Variants in MDFIC2 observed in about 807,000 individuals in gnomAD.
MDFIC2 encodes the protein myoD family inhibitor domain-containing protein 2.
At chr3:70,304,073 T>A (rs1459564854) in intron 2 of MDFIC2, among the ~76,000 whole-genome samples, 4 of 152,154 alleles carry the variant, frequency 2.6e-5, no homozygotes, top group Non-Finnish European at 5.9e-5. Context: ...GTTAGGAGTT[T>A]ATTGCAATCC....
chr3:70,230,962 G>A (rs1701554041), intron 2 of MDFIC2, among the ~76,000 whole-genome samples: 1 of 152,214 alleles, frequency 6.6e-6, no homozygotes, highest in Non-Finnish European at 1.5e-5. Flanking sequence ...ATCCCATTTC[G>A]CAGTGATTCC....
chr3:70,215,522 A>G (rs866862146), intron 2 of MDFIC2, among the ~76,000 whole-genome samples: 9 of 152,186 alleles, frequency 5.9e-5, no homozygotes, highest in Middle Eastern at 3.4e-3. Context: ...TTCCAAACTT[A>G]GCCCTCAAAG....
intron 2 of MDFIC2, chr3:70,249,467 G>A (rs1420969350): frequency 6.6e-6 from 1 of 152,044 alleles, no homozygotes; most frequent in Admixed American, 6.6e-5. Context: ...AAATAAATAA[G>A]CAGGATACAA....
intron 2 of MDFIC2, among the ~76,000 whole-genome samples, chr3:70,243,011 G>A (rs1461424502): frequency 2.6e-5 from 4 of 152,130 alleles, no homozygotes; most frequent in South Asian, 2.1e-4. Flanking sequence ...CGATATAACC[G>A]TTTTGTGACA....
At chr3:70,281,361 C>T (rs1167721848) in intron 2 of MDFIC2, among the ~76,000 whole-genome samples, 2 of 152,170 alleles carry the variant, frequency 1.3e-5, no homozygotes, top group Non-Finnish European at 2.9e-5. Context: ...TTATTTGACT[C>T]TCCTCTGTCT....
rs984531679 is a variant in MDFIC2 at position 70,271,056 on chromosome 3, T to C, written c.88+40830A>G. 6.0e-5 allele frequency among the ~76,000 whole-genome samples: 9 copies of C among 150,774 alleles called. No individual in the cohort carries two copies. The East Asian group carries it at 1.2e-3, about 20-fold the overall frequency. ...AATAATAAAAAAGAAATATTGAAAA[T>C]AAAAAAAAACAGTAAATTAAATCAT... On this transcript the variant is annotated intron_variant, in intron 2 of 3. Coordinates refer to ENST00000567252, the MANE Select transcript of MDFIC2 (RefSeq NM_001364677.1).
chr3:70,301,264 C>CT, intron 2 of MDFIC2, among the ~76,000 whole-genome samples: 1 of 152,132 alleles, frequency 6.6e-6, no homozygotes, highest in African/African-American at 2.4e-5. Context: ...AACAAAAACA[C>CT]TTTTTAAATT....
At chr3:70,289,429 G>T (rs1367361503) in intron 2 of MDFIC2, among the ~76,000 whole-genome samples, 1 of 149,468 alleles carries the variant, frequency 6.7e-6, no homozygotes, top group East Asian at 2.0e-4. Context: ...CGAGAGATCC[G>T]CTGTTAGTCT....
intron 2 of MDFIC2, among the ~76,000 whole-genome samples, chr3:70,267,394 C>CTT (rs9310185): frequency 6.7e-5 from 5 of 74,850 alleles, no homozygotes; most frequent in East Asian, 4.9e-4. Context: ...TTTTTAATAG[C>CTT]TTTTTTTTTT....
intron 2 of MDFIC2, among the ~76,000 whole-genome samples, chr3:70,235,642 A>G (rs368391609): frequency 2.6e-5 from 4 of 152,222 alleles, no homozygotes; most frequent in East Asian, 3.9e-4. Flanking sequence ...AGGTTTCTCT[A>G]TGACCCCTTT....
chr3:70,305,217 C>T (rs948657252), intron 2 of MDFIC2, among the ~76,000 whole-genome samples: 1 of 152,158 alleles, frequency 6.6e-6, no homozygotes, highest in African/African-American at 2.4e-5. Flanking sequence ...CATATTTTCA[C>T]ATCTTTTTTT....
chr3:70,309,802 A>T (rs921223857), intron 2 of MDFIC2, among the ~76,000 whole-genome samples: 3 of 152,204 alleles, frequency 2.0e-5, no homozygotes, highest in African/African-American at 7.2e-5. Flanking sequence ...ATTCGAGTGT[A>T]GCTTAAATGA....
chr3:70,309,884 G>A (rs968001324), intron 2 of MDFIC2, among the ~76,000 whole-genome samples: 3 of 152,066 alleles, frequency 2.0e-5, no homozygotes, highest in African/African-American at 4.8e-5. Flanking sequence ...CAATGCCTAC[G>A]CTGTACTTAA....
chr3:70,267,159 CTGAT>C (rs1389197159), intron 2 of MDFIC2, among the ~76,000 whole-genome samples: 1 of 152,056 alleles, frequency 6.6e-6, no homozygotes, highest in Non-Finnish European at 1.5e-5. Flanking sequence ...TAAATTTTCT[CTGAT>C]TGATTATGTA....
intron 2 of MDFIC2, among the ~76,000 whole-genome samples, chr3:70,219,050 C>A (rs1464902639): frequency 6.6e-6 from 1 of 152,098 alleles, no homozygotes; most frequent in African/African-American, 2.4e-5. Flanking sequence ...TTAGTAAAGG[C>A]AGGTTTAAAA....
At position 70,263,135 on chromosome 3, in the gene MDFIC2, C is replaced by G. The variant is rs550294197; in HGVS notation, c.88+48751G>C. ...TATAATAGTTGTTTTGATACCCTGA[C>G]TATAAACTCTATATTTGTCATTAAT... On this transcript the variant is annotated intron_variant, in intron 2 of 3. Transcript: ENST00000567252. 1.1e-4 allele frequency among the ~76,000 whole-genome samples: 16 copies of G among 152,166 alleles called. No homozygotes were observed. In the East Asian group the frequency reaches 3.1e-3, roughly 29 times the overall value.
intron 2 of MDFIC2, among the ~76,000 whole-genome samples, chr3:70,253,487 C>T (rs185112001): frequency 6.6e-6 from 1 of 152,348 alleles, no homozygotes; most frequent in East Asian, 1.9e-4. Context: ...GGCACAGTGG[C>T]TCATGCCTGT....
intron 1 of MDFIC2, among the ~76,000 whole-genome samples, chr3:70,312,175 A>AT (rs1268927262): frequency 8.5e-5 from 13 of 152,054 alleles, no homozygotes; most frequent in Non-Finnish European, 1.6e-4. Context: ...TAAACTTTAT[A>AT]TGATATTTCT....
At chr3:70,293,971 C>T (rs1218978937) in intron 2 of MDFIC2, among the ~76,000 whole-genome samples, 3 of 151,994 alleles carry the variant, frequency 2.0e-5, no homozygotes, top group Non-Finnish European at 4.4e-5. Context: ...CAAGCAGAAG[C>T]TCAAGCTATC....
Sources: gnomAD v4.1 joint callset for allele counts (sites outside exome capture counted in the v4.1 genomes callset) on GRCh38, gnomAD v4.1.1 for gene constraint, MANE v1.5 for transcripts, NCBI Gene and HGNC (gene_info 2026-07-23, HGNC 2026-07-21) for gene names.